Variants in NCKAP5 observed in about 807,000 individuals in gnomAD.
NCKAP5 encodes the protein NCK associated protein 5.
In NCKAP5, 92 loss-of-function variants were observed where a neutral mutation model predicts 167.0. That is an observed-to-expected ratio of 0.55 (90% confidence interval 0.47 to 0.66). The LOEUF (loss-of-function observed/expected upper bound fraction) is 0.66. Among genes scored for constraint, NCKAP5 ranks in the 30% least tolerant of loss-of-function variants. The probability of loss-of-function intolerance (pLI) is 0.00; values close to 1 mark genes in which losing one functional copy is unlikely to be tolerated. For synonymous variants in NCKAP5, 891 were observed against 877.4 expected, an observed-to-expected ratio of 1.02 and a Z score of -0.27; for missense variants, 2,378 against 2,315.0, an observed-to-expected ratio of 1.03 and a Z score of -0.56.
chr2:132,755,566 C>G (rs902612577), intron 16 of NCKAP5, among the ~76,000 whole-genome samples: 2 of 152,034 alleles, frequency 1.3e-5, no homozygotes, highest in Non-Finnish European at 2.9e-5. Context: ...CATGGTGGCT[C>G]GTGCCTGTAA....
chr2:133,574,959 C>A, the NCKAP5 span, among the ~76,000 whole-genome samples: 1 of 152,188 alleles, frequency 6.6e-6, no homozygotes, highest in Non-Finnish European at 1.5e-5. Flanking sequence ...TAGGCTTTTC[C>A]ATGTCCAGCG....
intron 6 of NCKAP5, among the ~76,000 whole-genome samples, chr2:133,099,106 G>A (rs139646564): frequency 9.2e-5 from 14 of 152,210 alleles, no homozygotes; most frequent in Non-Finnish European, 1.5e-4. Context: ...TCTAAGTACC[G>A]TATTGGGCAA....
At chr2:132,958,619 T>C (rs2076412060) in intron 8 of NCKAP5, among the ~76,000 whole-genome samples, 1 of 152,232 alleles carries the variant, frequency 6.6e-6, no homozygotes, top group South Asian at 2.1e-4. Flanking sequence ...TTCCATTTTT[T>C]AAATCTTGTA....
intron 2 of NCKAP5, chr2:133,527,119 A>G (rs1442900882): frequency 6.6e-6 from 1 of 152,034 alleles, no homozygotes. Context: ...AAGCCATCCA[A>G]TTTCAAGACA....
chr2:133,180,560 A>G (rs1031671937), intron 5 of NCKAP5, among the ~76,000 whole-genome samples: 3 of 152,082 alleles, frequency 2.0e-5, no homozygotes, highest in Non-Finnish European at 4.4e-5. Context: ...GCTGGTCTTG[A>G]ACTCCTGAGC....
chr2:133,520,484 G>A (rs1350769215), intron 2 of NCKAP5, among the ~76,000 whole-genome samples: 1 of 152,188 alleles, frequency 6.6e-6, no homozygotes, highest in East Asian at 1.9e-4. Context: ...CTTCATAGTA[G>A]GGTTTTCTGA....
At chr2:132,823,307 T>C (rs769857186) in intron 11 of NCKAP5, among the ~76,000 whole-genome samples, 3 of 151,874 alleles carry the variant, frequency 2.0e-5, no homozygotes, top group Non-Finnish European at 4.4e-5. Flanking sequence ...GACAAAACCA[T>C]AAGATAATCT....
chr2:133,488,200 A>T (rs981804643), intron 3 of NCKAP5, among the ~76,000 whole-genome samples: 1 of 152,202 alleles, frequency 6.6e-6, no homozygotes, highest in African/African-American at 2.4e-5. Flanking sequence ...ATATTCATGG[A>T]ATGCTTTACT....
At chr2:132,723,784 A>C (rs1573996428) in intron 19 of NCKAP5, among the ~76,000 whole-genome samples, 1 of 152,142 alleles carries the variant, frequency 6.6e-6, no homozygotes, top group Non-Finnish European at 1.5e-5. Context: ...AGCTATCAAC[A>C]TCTCTTGCCT....
At chr2:133,380,596 C>A (rs553896545) in intron 3 of NCKAP5, among the ~76,000 whole-genome samples, 2 of 152,314 alleles carry the variant, frequency 1.3e-5, no homozygotes, top group East Asian at 3.9e-4. Context: ...TGTCTAACTT[C>A]CAAACATTCA....
At chr2:132,787,154 T>C (rs1195742935) in intron 13 of NCKAP5, among the ~76,000 whole-genome samples, 1 of 151,990 alleles carries the variant, frequency 6.6e-6, no homozygotes, top group Non-Finnish European at 1.5e-5. Context: ...TCGAGACTAG[T>C]CTGACCCATA....
At chr2:133,570,795 G>A (rs935684174), upstream of NCKAP5, among the ~76,000 whole-genome samples, 5 of 152,186 alleles carry the variant, frequency 3.3e-5, no homozygotes, top group Non-Finnish European at 7.4e-5. Flanking sequence ...GTCATGGCTA[G>A]TCTAACATTA....
intron 19 of NCKAP5, among the ~76,000 whole-genome samples, chr2:132,717,545 C>A (rs935205881): frequency 6.6e-6 from 1 of 152,166 alleles, no homozygotes; most frequent in African/African-American, 2.4e-5. Context: ...GGCAGGATGG[C>A]AGCGTTTTTA....
At chr2:133,387,227 G>T (rs907325803) in intron 3 of NCKAP5, among the ~76,000 whole-genome samples, 7 of 151,996 alleles carry the variant, frequency 4.6e-5, no homozygotes, top group African/African-American at 7.3e-5. Context: ...AGGAGCTCTT[G>T]TAGGGCAGGC....
At chr2:133,032,814 C>T (rs1381854107) in intron 6 of NCKAP5, among the ~76,000 whole-genome samples, 1 of 152,162 alleles carries the variant, frequency 6.6e-6, no homozygotes, top group Non-Finnish European at 1.5e-5. Context: ...CCTCAGGAAA[C>T]TTACAATCAT....
the NCKAP5 span, among the ~76,000 whole-genome samples, chr2:133,624,051 G>C: frequency 6.6e-6 from 1 of 152,146 alleles, no homozygotes; most frequent in East Asian, 1.9e-4. Flanking sequence ...AAACAGCATA[G>C]GTTCTCACTC....
In NCKAP5 at chr2:133,109,668, A is replaced by G. The variant is rs189584826; in HGVS notation, c.341+20310T>C. Among the ~76,000 whole-genome samples, 241 of 152,328 alleles carry G rather than the reference A, an allele frequency of 1.6e-3. 1 individual carries two copies. Among genetic ancestry groups the G allele is most frequent in the Middle Eastern group, 6.8e-3 (2 of 294 alleles). On this transcript the variant is annotated intron_variant, in intron 6 of 19. Coordinates refer to ENST00000409261, the MANE Select transcript of NCKAP5 (RefSeq NM_207363.3). ...TGATATTTTTTGAAAGGCTTTTTCA[A>G]ATAAACCATTCTTTTGAATTCAAAT...
At position 133,102,744 on chromosome 2, in the gene NCKAP5, A is replaced by AACACACAC. The variant is rs3051212; in HGVS notation, c.341+27226_341+27233dup. Among the ~76,000 whole-genome samples, 283 of 135,208 alleles carry AACACACAC rather than the reference A, an allele frequency of 2.1e-3. 2 individuals carry two copies. The highest frequency in any genetic ancestry group is 4.0e-3 in the Admixed American group (53 of 13,334). The allele number at this position is 135,208 out of a possible 152,430, so 88.7% of individuals were successfully genotyped here. A position where few individuals can be genotyped will look rare whatever the true frequency, so the allele number is the denominator to read the frequency against. On this transcript the variant is annotated intron_variant, in intron 6 of 19. Coordinates refer to ENST00000409261, the MANE Select transcript of NCKAP5 (RefSeq NM_207363.3). ...AACTGACAGGTTAGACAAGCATGTA[A>AACACACAC]ACACACACACACACACACACACACA...
intron 3 of NCKAP5, among the ~76,000 whole-genome samples, chr2:133,323,196 T>C (rs1459791567): frequency 6.6e-6 from 1 of 152,234 alleles, no homozygotes; most frequent in Non-Finnish European, 1.5e-5. Context: ...CATTTATGGA[T>C]ATTTGGCAAT....
Sources: gnomAD v4.1 joint callset for allele counts (sites outside exome capture counted in the v4.1 genomes callset) on GRCh38, gnomAD v4.1.1 for gene constraint, MANE v1.5 for transcripts, NCBI Gene and HGNC (gene_info 2026-07-23, HGNC 2026-07-21) for gene names.